The following AATF variants were observed in gnomAD, a reference collection of about 807,000 sequenced individuals.
AATF encodes apoptosis antagonizing transcription factor, also known as protein AATF.
AATF carries 48 observed loss-of-function variants against 63.7 expected under a neutral mutation model. That is an observed-to-expected ratio of 0.75 (90% CI 0.60 to 0.96). AATF has a LOEUF of 0.96. Among genes scored for constraint, AATF ranks in the 40% least tolerant of loss-of-function variants. The pLI is 0.00. For synonymous variants in AATF, 258 were observed against 247.7 expected (o/e 1.04, Z -0.39); for missense variants, 639 against 685.7 (o/e 0.93, Z 0.76).
Position 36,982,479 on chromosome 17 carries a change from G to T in AATF, c.833-4138G>T, listed in dbSNP as rs927266004. 4.6e-5 allele frequency among the ~76,000 whole-genome samples: 7 copies of T among 151,858 alleles called. No homozygotes were observed. In the South Asian group the frequency reaches 1.5e-3, roughly 32 times the overall value. Reference sequence around the variant, plus strand: ...GGAAATCCTTCCACCTCAGCTGCCCGAGCAGCTGGGACTACAGGCACGTGC... The same window carrying T: ...GGAAATCCTTCCACCTCAGCTGCCCTAGCAGCTGGGACTACAGGCACGTGC... On this transcript the variant is annotated intron_variant, in intron 4 of 11. Coordinates refer to ENST00000619387, the MANE Select transcript of AATF (RefSeq NM_012138.4).
chr17:37,020,746 C>T lies in AATF; in HGVS notation c.1467-188C>T, dbSNP rs73286021. ...ATTTGCTGTAGAATTTCCCAGCTGC[C>T]GTTTGTTTTTTTACCATTGCACAAA... On this transcript the variant is annotated intron_variant, in intron 9 of 11. Transcript: ENST00000619387. Among the ~76,000 whole-genome samples, 305 of 152,262 alleles carry T rather than the reference C, an allele frequency of 2.0e-3. 2 individuals carry two copies. Among genetic ancestry groups the T allele is most frequent in the East Asian group, 5.6e-3 (29 of 5,190 alleles).
chr17:36,971,527 C>T (rs975319529), intron 4 of AATF, among the ~76,000 whole-genome samples: 1 of 152,152 alleles, frequency 6.6e-6, no homozygotes, highest in African/African-American at 2.4e-5. Flanking sequence ...TTAAATAAAG[C>T]TAAACATATA....
chr17:37,038,997 AT>A (rs755885883), intron 11 of AATF, among the ~76,000 whole-genome samples: 1 of 152,238 alleles, frequency 6.6e-6, no homozygotes, highest in East Asian at 1.9e-4. Context: ...TCAGCTTGCC[AT>A]TTTTGTGTAT....
intron 1 of AATF, among the ~76,000 whole-genome samples, chr17:36,949,643 T>C (rs1437182318): frequency 6.6e-6 from 1 of 152,238 alleles, no homozygotes; most frequent in Non-Finnish European, 1.5e-5. Context: ...GATGGAAGGA[T>C]TTTCTGGTGC....
chr17:37,011,103 G>T (rs897258805), intron 8 of AATF, among the ~76,000 whole-genome samples: 1 of 152,208 alleles, frequency 6.6e-6, no homozygotes, highest in Non-Finnish European at 1.5e-5. Flanking sequence ...GGGTGTTGTG[G>T]CTTACGCCTG....
rs557100034 is a variant in AATF at position 37,041,326 on chromosome 17, A to C, written c.1619+9641A>C. ...TGCCTTTCTTTTCAAGTAGTGCTGCAGTGAACATATATATACAGAAATCTA... is the reference window on the plus strand; with the variant it reads ...TGCCTTTCTTTTCAAGTAGTGCTGCCGTGAACATATATATACAGAAATCTA... On this transcript the variant is annotated intron_variant, in intron 11 of 11. Coordinates refer to ENST00000619387, the MANE Select transcript of AATF (RefSeq NM_012138.4). Among the ~76,000 whole-genome samples the C allele has an allele frequency of 2.4e-3, 365 of 152,316 alleles. 1 individual carries two copies. The highest frequency in any genetic ancestry group is 8.5e-3 in the African/African-American group (355 of 41,566).
At chr17:37,053,527 G>A (rs955993268) in intron 11 of AATF, among the ~76,000 whole-genome samples, 2 of 152,136 alleles carry the variant, frequency 1.3e-5, no homozygotes, top group African/African-American at 4.8e-5. Flanking sequence ...ACTCTGTAGG[G>A]AAAAGTCAGG....
chr17:36,968,555 C>T (rs1171893927), intron 4 of AATF, among the ~76,000 whole-genome samples: 2 of 151,636 alleles, frequency 1.3e-5, no homozygotes, highest in Non-Finnish European at 2.9e-5. Flanking sequence ...GGATTATAGG[C>T]GTAAGCTACC....
intron 8 of AATF, among the ~76,000 whole-genome samples, chr17:37,009,678 G>A (rs960458774): frequency 1.3e-5 from 2 of 150,188 alleles, no homozygotes; most frequent in East Asian, 2.0e-4. Context: ...TTAGCCGGGC[G>A]CGGTGGCGGG....
intron 4 of AATF, among the ~76,000 whole-genome samples, chr17:36,973,182 T>C (rs939834832): frequency 6.6e-6 from 1 of 152,196 alleles, no homozygotes; most frequent in Non-Finnish European, 1.5e-5. Flanking sequence ...TCATTGAAAC[T>C]CCTTAAGGAT....
At chr17:37,021,503 C>T (rs2071469803) in intron 10 of AATF, among the ~76,000 whole-genome samples, 1 of 151,982 alleles carries the variant, frequency 6.6e-6, no homozygotes, top group South Asian at 2.1e-4. Context: ...GTGGCGGGTG[C>T]CTATAGTCCC....
intron 11 of AATF, among the ~76,000 whole-genome samples, chr17:37,042,590 T>C (rs1439372557): frequency 1.3e-5 from 2 of 150,460 alleles, no homozygotes; most frequent in African/African-American, 4.9e-5. Context: ...TTTTTTTTTT[T>C]TTTTTCCTGT....
At chr17:37,033,695 T>G (rs924517241) in intron 11 of AATF, 4 of 154,714 alleles carry the variant, frequency 2.6e-5, no homozygotes, top group African/African-American at 9.6e-5. Context: ...TGTGACAGGA[T>G]AATTCTAGGG....
rs1264828290 is a variant in AATF, at chr17:37,007,789, C to CT, written c.1399-11215dup. On this transcript the variant is annotated intron_variant, in intron 8 of 11. Coordinates refer to ENST00000619387, the MANE Select transcript of AATF (RefSeq NM_012138.4). ...AAGGATGGCCAGGATTTTAGATACTCTGAGGTTGGAAGGAGGCCTTCTACA... is the reference window on the plus strand; with the variant it reads ...AAGGATGGCCAGGATTTTAGATACTCTTGAGGTTGGAAGGAGGCCTTCTACA... Among the ~76,000 whole-genome samples the CT allele has an allele frequency of 2.0e-5, 3 of 152,236 alleles. No individual in the cohort carries two copies. In the East Asian group the frequency reaches 5.8e-4, roughly 29 times the overall value.
At chr17:36,967,931 A>G (rs140441901) in intron 4 of AATF, among the ~76,000 whole-genome samples, 33 of 150,760 alleles carry the variant, frequency 2.2e-4, no homozygotes, top group Admixed American at 1.9e-3. Flanking sequence ...AAATTTCATA[A>G]TGATGCACCG....
chr17:36,996,120 A>C (rs2071252817), intron 8 of AATF, among the ~76,000 whole-genome samples: 1 of 152,224 alleles, frequency 6.6e-6, no homozygotes, highest in African/African-American at 2.4e-5. Flanking sequence ...TAGAGAGAAC[A>C]TATGTATGAA....
chr17:36,951,149 T>C (rs1289165271), intron 2 of AATF, among the ~76,000 whole-genome samples: 1 of 152,214 alleles, frequency 6.6e-6, no homozygotes. Flanking sequence ...GATATGGTGA[T>C]TATTGGGAGA....
chr17:37,003,426 A>G (rs928032649), intron 8 of AATF, among the ~76,000 whole-genome samples: 1 of 148,152 alleles, frequency 6.7e-6, no homozygotes, highest in African/African-American at 2.5e-5. Flanking sequence ...GAGAGAATTG[A>G]TCTTGGTTTA....
At chr17:36,984,212 A>G (rs752798695) in intron 4 of AATF, among the ~76,000 whole-genome samples, 12 of 152,242 alleles carry the variant, frequency 7.9e-5, no homozygotes, top group Non-Finnish European at 8.8e-5. Flanking sequence ...TTGTGAGACT[A>G]CAGTTACTAA....
Sources: allele counts gnomAD v4.1 joint callset (sites outside exome capture counted in the v4.1 genomes callset), GRCh38; gene constraint gnomAD v4.1.1; transcripts MANE v1.5; gene names NCBI Gene and HGNC (gene_info 2026-07-23, HGNC 2026-07-21).